Variants in TTN observed in about 807,000 individuals in gnomAD.
TTN encodes the protein connectin.
Under a neutral mutation model 3,223.0 loss-of-function variants are expected in TTN, and 1,525 were observed. The ratio of observed to expected loss-of-function variants is 0.47; its 90% confidence interval spans 0.45 to 0.49. The LOEUF (loss-of-function observed/expected upper bound fraction) is 0.49, where lower values mean the gene tolerates loss of function less well. Among genes scored for constraint, TTN ranks in the 20% least tolerant of loss-of-function variants. The pLI, the probability that TTN is intolerant of heterozygous loss-of-function variation, is 0.00. For missense variants in TTN, 40,786 were observed against 43,424.0 expected (o/e 0.94, Z 5.40); for synonymous variants, 14,094 against 15,161.0 (o/e 0.93, Z 5.17).
rs1575245592 is a variant in TTN, at chr2:178,532,287, T to G, written c.104328A>C (p.Pro34776=). The G allele has an allele frequency of 8.7e-6, 14 of 1,613,894 alleles. No individual in the cohort carries two copies. The highest frequency in any genetic ancestry group is 1.2e-5 in the Non-Finnish European group (14 of 1,179,898). ...AEREDEELLR[P]VTTTQHLSEY... is the part of the protein sequence containing the mutation. ...CTGAGAGATGCTGGGTGGTCGTAAC[T>G]GGGCGAAGCAACTCTTCATCCTCCC... Residue 34776 remains proline (P), a synonymous_variant, in exon 358 of 363, where the codon CCA becomes CCC. Transcript: ENST00000589042.
Position 178,734,905 on chromosome 2 carries a change from C to A in TTN, c.15019G>T (p.Gly5007Cys). The change falls in exon 51 of 363, where the codon GGC becomes TGC. Residue 5007 changes from glycine to cysteine, a missense_variant. Gly to Cys is a radical substitution (Grantham distance 159). Transcript: ENST00000589042. Reference sequence around the variant, plus strand: ...CAAGTAACCTGGATCACAGGTGAGCCTTTCAGCTTGCAATGGAGGCGTGCT... The same window carrying A: ...CAAGTAACCTGGATCACAGGTGAGCATTTCAGCTTGCAATGGAGGCGTGCT... ...ESARLHCKLK[G>C]SPVIQVTWFK... The A allele has an allele frequency of 6.2e-7, 1 of 1,613,118 alleles. No individual in the cohort carries two copies. Among genetic ancestry groups the A allele is most frequent in the Non-Finnish European group, 8.5e-7 (1 of 1,179,480 alleles).
chr2:178,629,280 C>T (rs551864380), intron 240 of TTN, 21 bp downstream of exon 240: 3 of 1,609,392 alleles, frequency 1.9e-6, no homozygotes, highest in Non-Finnish European at 1.7e-6. Flanking sequence ...ACGGGAAAGA[C>T]AAGGCATGCC....
At chr2:178,803,950 T>C (rs1019453731) in intron 2 of TTN, among the ~76,000 whole-genome samples, 1 of 152,200 alleles carries the variant, frequency 6.6e-6, no homozygotes, top group African/African-American at 2.4e-5. Flanking sequence ...TCCTTTTAAA[T>C]AGAGACACCC....
chr2:178,799,201 G>C (rs371204637), intron 6 of TTN: 33 of 417,646 alleles, frequency 7.9e-5, no homozygotes, highest in African/African-American at 3.6e-4. Context: ...CCGCCCAAAT[G>C]TTGCATTTCC....
intron 47 of TTN, chr2:178,750,481 A>G (rs775561276): frequency 6.2e-7 from 1 of 1,612,960 alleles, no homozygotes; most frequent in South Asian, 1.1e-5. Flanking sequence ...ACGTCACTAT[A>G]GGTTGAGGAT....
chr2:178,785,905 A>G lies in TTN; in HGVS notation c.2313T>C (p.Ala771=). The G allele has an allele frequency of 6.2e-7, 1 of 1,614,118 alleles. No homozygotes were observed. The highest frequency in any genetic ancestry group is 8.5e-7 in the Non-Finnish European group (1 of 1,179,988). Residue 771 remains alanine (A), a synonymous_variant, in exon 14 of 363, where the codon GCT becomes GCC. Transcript: ENST00000589042. ...PKAVKPRVIQ[A]PSETHIKTTD... The stretch of plus-strand genomic sequence containing the variant: ...TAGTTTTGATATGAGTCTCAGAAGG[A>G]GCCTGGATTACTCTAGGCTTGACTG...
rs761332998 is a variant in TTN at position 178,775,719 on chromosome 2, C to T, written c.6145G>A (p.Glu2049Lys). The T allele has an allele frequency of 3.1e-6, 5 of 1,614,104 alleles. No individual in the cohort carries two copies. The South Asian group carries it at 3.3e-5, about 11-fold the overall frequency. The change falls in exon 28 of 363, where the codon GAA becomes AAA. Residue 2049 changes from glutamate to lysine, a missense_variant. By Grantham distance (56) the Glu-to-Lys change is moderately conservative. Coordinates refer to ENST00000589042, the MANE Select transcript of TTN (RefSeq NM_001267550.2). ...CCTTCTTCGGCAAGAGCTTTCTTTTCCTCTTCAGTTAACTCTTTGGTCCAG... is the reference window on the plus strand; with the variant it reads ...CCTTCTTCGGCAAGAGCTTTCTTTTTCTCTTCAGTTAACTCTTTGGTCCAG... ...LHWTKELTEE[E>K]KKALAEEGKI... is the part of the protein sequence containing the mutation.
chr2:178,557,413 T>C lies in TTN; in HGVS notation c.87849A>G (p.Leu29283=), dbSNP rs777124377. ...HLEMKDRNSI[L]WQKANKLVIR... is the part of the protein sequence containing the mutation. The stretch of plus-strand genomic sequence containing the variant: ...TGACCAGTTTGTTGGCTTTTTGCCA[T>C]AAAATACTGTTTCTGTCTTTCATTT... The change falls in exon 329 of 363, where the codon TTA becomes TTG. Residue 29283 remains leucine (L), a synonymous_variant. Transcript: ENST00000589042. The C allele has an allele frequency of 8.7e-6, 14 of 1,613,838 alleles. No individual in the cohort carries two copies. The East Asian group carries it at 3.1e-4, about 36-fold the overall frequency.
At chr2:178,759,598 T>C (rs11895382) in intron 43 of TTN, among the ~76,000 whole-genome samples, 8,172 of 152,184 alleles carry the variant, frequency 0.054, 366 homozygotes, top group South Asian at 0.16. Context: ...ATCTCCACTT[T>C]TGGTTTGCAG....
At position 178,597,993 on chromosome 2, in the gene TTN, G is replaced by A. The variant is rs1238094262; in HGVS notation, c.57177C>T (p.Tyr19059=). Residue 19059 remains tyrosine, a synonymous_variant, in exon 293 of 363, where the codon TAC becomes TAT. Transcript: ENST00000589042. ...VVTGLKEGAF[Y]KFRVRAVNIA... ...TGTTGACTGCTCTAACTCTAAATTT[G>A]TAGAATGCTCCTTCCTTTAATCCTG... The A allele has an allele frequency of 6.2e-7, 1 of 1,613,372 alleles. No individual in the cohort carries two copies. Among genetic ancestry groups the A allele is most frequent in the Non-Finnish European group, 8.5e-7 (1 of 1,179,568 alleles).
Position 178,647,061 on chromosome 2 carries a change from T to A in TTN, c.40222+3A>T. The A allele has an allele frequency of 9.1e-7, 1 of 1,101,818 alleles. No homozygotes were observed. The allele number at this position is 1,101,818 out of a possible 1,614,324, so 68.3% of individuals were successfully genotyped here. Reference sequence around the variant, plus strand: ...AAATGTATATATATATATATATATATACCTTCAACAGGGGGAGTCTCTTTT... The same window carrying A: ...AAATGTATATATATATATATATATAAACCTTCAACAGGGGGAGTCTCTTTT... On this transcript the variant is annotated splice_donor_region_variant and intron_variant, in intron 215 of 362. Transcript: ENST00000589042.
At position 178,567,279 on chromosome 2, in the gene TTN, C is replaced by G. The variant is rs1452181068; in HGVS notation, c.78853G>C (p.Asp26285His). The G allele has an allele frequency of 6.2e-7, 1 of 1,607,066 alleles. No homozygotes were observed. Among genetic ancestry groups the G allele is most frequent in the Non-Finnish European group, 8.5e-7 (1 of 1,177,368 alleles). Residue 26285 changes from aspartate to histidine, a missense_variant, in exon 326 of 363, where the codon GAT becomes CAT. By Grantham distance (81) the Asp-to-His change is moderately conservative. Transcript: ENST00000589042. ...GGCCCTTCTGGAGGTCCTGGTCTAT[C>G]TAATACTTTTACATTTACTGGGAAT... ...KSFPVNVKVLDRPGPPEGPVQ... is the reference protein window; with the variant it reads ...KSFPVNVKVLHRPGPPEGPVQ...
At chr2:178,726,986 A>C in intron 69 of TTN, 104 bp downstream of exon 69, 1 of 1,175,462 alleles carries the variant, frequency 8.5e-7, no homozygotes, top group Non-Finnish European at 1.1e-6. Flanking sequence ...ATATTCTATG[A>C]TCTCAAATGG....
rs369122344 is a variant in TTN, at chr2:178,572,137, C to T, written c.73995G>A (p.Thr24665=). ...MQTKGSDKWA[T]CATVKVTEAT... ...CTTCAGTGACCTTGACTGTGGCACACGTGGCCCATTTGTCACTGCCTTTGG... is the reference window on the plus strand; with the variant it reads ...CTTCAGTGACCTTGACTGTGGCACATGTGGCCCATTTGTCACTGCCTTTGG... Residue 24665 remains threonine, a synonymous_variant, in exon 326 of 363, where the codon ACG becomes ACA. Coordinates refer to ENST00000589042, the MANE Select transcript of TTN (RefSeq NM_001267550.2). The T allele has an allele frequency of 2.5e-5, 41 of 1,613,202 alleles. No individual in the cohort carries two copies. The highest frequency in any genetic ancestry group is 4.4e-5 in the South Asian group (4 of 91,066).
chr2:178,746,691 C>T lies in TTN; in HGVS notation c.11312-4770G>A, dbSNP rs756665236. 3.1e-6 allele frequency: 5 copies of T among 1,613,350 alleles called. No homozygotes were observed. The Admixed American group carries it at 5.0e-5, about 16-fold the overall frequency. On this transcript the variant is annotated intron_variant, in intron 47 of 362. Coordinates refer to ENST00000589042, the MANE Select transcript of TTN (RefSeq NM_001267550.2). ...ATGTTAGAAATTTCCAGTGAACACA[C>T]ATTACCCACTCTTTCCATTTTGATT... is the stretch of plus-strand genomic sequence containing the variant.
rs2080887582 is a variant in TTN at position 178,733,356 on chromosome 2, T to A, written c.15937A>T (p.Asn5313Tyr). ...ASKKYRISFK[N>Y]NVAQLKFYSA... ...TAAAATTTGAGCTGGGCAACATTGT[T>A]TTTAAAACTTATTCGGTATTTTTTA... The change falls in exon 54 of 363, where the codon AAC (asparagine) becomes TAC (tyrosine). Residue 5313 changes from asparagine (N) to tyrosine (Y), a missense_variant. By Grantham distance (143) the Asn-to-Tyr change is moderately radical. Coordinates refer to ENST00000589042, the MANE Select transcript of TTN (RefSeq NM_001267550.2). The A allele has an allele frequency of 1.2e-6, 2 of 1,613,672 alleles. No homozygotes were observed.
chr2:178,558,962 C>T (rs1295588661), intron 326 of TTN: 3 of 379,298 alleles, frequency 7.9e-6, no homozygotes, highest in Non-Finnish European at 1.4e-5. Flanking sequence ...AATTTCTGTA[C>T]ACACGCACAT....
chr2:178,553,249 G>T lies in TTN; in HGVS notation c.89651C>A (p.Ala29884Asp). Residue 29884 changes from alanine to aspartate, a missense_variant, in exon 335 of 363, where the codon GCC becomes GAC. Ala to Asp is a moderately radical substitution (Grantham distance 126, BLOSUM62 -2). Transcript: ENST00000589042. The part of the protein sequence containing the change: ...RKDEKNLGSD[A>D]RYSIENTDSS... ...ATCAGTGTTTTCAATGCTGTATCTGGCATCACTGCCAAGATTCTTCTCATC... is the reference window on the plus strand; with the variant it reads ...ATCAGTGTTTTCAATGCTGTATCTGTCATCACTGCCAAGATTCTTCTCATC... 2 of 1,613,028 alleles carry T rather than the reference G, an allele frequency of 1.2e-6. No homozygotes were observed. The highest frequency in any genetic ancestry group is 1.7e-6 in the Non-Finnish European group (2 of 1,179,804).
chr2:178,531,831 A>G lies in TTN; in HGVS notation c.104784T>C (p.Tyr34928=), dbSNP rs769054122. 1.9e-6 allele frequency: 3 copies of G among 1,613,816 alleles called. No homozygotes were observed. The highest frequency in any genetic ancestry group is 1.6e-4 in the Middle Eastern group (1 of 6,084). Residue 34928 remains tyrosine, a synonymous_variant, in exon 358 of 363, where the codon TAT becomes TAC. Coordinates refer to ENST00000589042, the MANE Select transcript of TTN (RefSeq NM_001267550.2). ...TGAAAGGCTGCTGACTCAAAACTTC[A>G]TACTTCCTTTCTGATGTCTTCTGAG... ...LKTQKTSERK[Y]EVLSQQPFTL...
Sources: gnomAD v4.1 joint callset for allele counts (sites outside exome capture counted in the v4.1 genomes callset) on GRCh38, gnomAD v4.1.1 for gene constraint, MANE v1.5 for transcripts, NCBI Gene and HGNC (gene_info 2026-07-23, HGNC 2026-07-21) for gene names.